The following KMT5B variants were observed in gnomAD, a reference collection of about 807,000 sequenced individuals.
KMT5B encodes the protein histone-lysine N-methyltransferase KMT5B.
Under a neutral mutation model 83.2 loss-of-function variants are expected in KMT5B, and 10 were observed. That is an observed-to-expected ratio of 0.12 (90% CI 0.07 to 0.20). The LOEUF (loss-of-function observed/expected upper bound fraction) is 0.20. Ranked by LOEUF, KMT5B falls within the 10% of genes least tolerant of loss-of-function variation. The pLI is 1.00. For missense variants in KMT5B, 753 were observed against 1,067.2 expected (o/e 0.71, Z 4.10); for synonymous variants, 349 against 388.8 (o/e 0.90, Z 1.20).
At chr11:68,162,421 A>C (rs535031166) in intron 10 of KMT5B, among the ~76,000 whole-genome samples, 4 of 152,298 alleles carry the variant, frequency 2.6e-5, no homozygotes, top group African/African-American at 9.6e-5. Context: ...TCTGCTTTGA[A>C]TAGGCTTCAC....
At chr11:68,180,561 G>C (rs1426251282) in intron 3 of KMT5B, among the ~76,000 whole-genome samples, 1 of 152,190 alleles carries the variant, frequency 6.6e-6, no homozygotes, top group Non-Finnish European at 1.5e-5. Flanking sequence ...GGTTATAACA[G>C]TAGAAAAATG....
intron 9 of KMT5B, 133 bp downstream of exon 9, chr11:68,170,882 C>T: frequency 1.1e-6 from 1 of 935,408 alleles, no homozygotes; most frequent in Non-Finnish European, 1.6e-6. Flanking sequence ...ATACACACTG[C>T]ACCAGCCGCT....
intron 1 of KMT5B, among the ~76,000 whole-genome samples, chr11:68,190,870 C>G (rs1185193230): frequency 6.6e-6 from 1 of 152,182 alleles, no homozygotes; most frequent in Non-Finnish European, 1.5e-5. Context: ...GTGGTTCCAG[C>G]TACTTGAGAG....
Position 68,190,084 on chromosome 11 carries a change from G to T in KMT5B, c.-8C>A, listed in dbSNP as rs1435802516. ...TTCTCCCAACCACTTCATACCCACA[G>T]ACAGCCTGACCCAGGTGCATTTAGT... On this transcript the variant is annotated 5_prime_UTR_variant, in exon 2 of 11. The change creates a new upstream start codon in the 5' untranslated region. Transcript: ENST00000304363. The T allele has an allele frequency of 6.2e-7, 1 of 1,612,566 alleles. No homozygotes were observed. Among genetic ancestry groups the T allele is most frequent in the Non-Finnish European group, 8.5e-7 (1 of 1,179,266 alleles).
intron 3 of KMT5B, among the ~76,000 whole-genome samples, chr11:68,181,582 C>A (rs946189588): frequency 2.0e-5 from 3 of 151,932 alleles, no homozygotes; most frequent in African/African-American, 4.8e-5. Flanking sequence ...TCTTTTGCAC[C>A]CCAAAGAGAG....
intron 2 of KMT5B, among the ~76,000 whole-genome samples, chr11:68,188,075 A>G (rs1591013923): frequency 7.0e-6 from 1 of 142,294 alleles, no homozygotes; most frequent in Admixed American, 7.4e-5. Context: ...CCCAGGCTGG[A>G]GTGCAGTGAC....
chr11:68,196,300 C>T (rs1347942807), intron 1 of KMT5B, among the ~76,000 whole-genome samples: 1 of 151,946 alleles, frequency 6.6e-6, no homozygotes, highest in Non-Finnish European at 1.5e-5. Context: ...TTCACATCCT[C>T]TAGGAAGTGT....
rs1320100821 is a variant in KMT5B, at chr11:68,167,219, C to T, written c.978-41G>A. 3.2e-6 allele frequency: 5 copies of T among 1,556,166 alleles called. No homozygotes were observed. The East Asian group carries it at 7.2e-5, about 22-fold the overall frequency. On this transcript the variant is annotated intron_variant, in intron 9 of 10. Transcript: ENST00000304363. The stretch of plus-strand genomic sequence containing the variant: ...GCACAGGTTAAACAAATAGAACACA[C>T]TTTCTTATAATAAGCTTAACTGCTG...
chr11:68,179,660 C>CA, intron 4 of KMT5B: 1 of 1,198,574 alleles, frequency 8.3e-7, no homozygotes, highest in Non-Finnish European at 1.1e-6. Context: ...AAAAGGGAGA[C>CA]AGGGAAGGAG....
At position 68,212,272 on chromosome 11, in the gene KMT5B, CA is replaced by C. The variant is rs1861009739; in HGVS notation, c.-77+865del. Among the ~76,000 whole-genome samples the C allele has an allele frequency of 2.0e-5, 3 of 152,168 alleles. No individual in the cohort carries two copies. In the South Asian group the frequency reaches 6.2e-4, roughly 32 times the overall value. On this transcript the variant is annotated intron_variant, in intron 1 of 10. Transcript: ENST00000304363. ...AAAAGGTCCACATCACAAAGAACCA[CA>C]ATCAATCAAATTAATTCACCTGCCC...
At chr11:68,164,632 A>G in intron 10 of KMT5B, 2 of 511,774 alleles carry the variant, frequency 3.9e-6, no homozygotes, top group South Asian at 2.9e-5. Flanking sequence ...CACTCTGCCC[A>G]TGACCTCAGA....
chr11:68,213,461 C>G (rs1188976374), upstream of KMT5B: 1 of 148,332 alleles, frequency 6.7e-6, no homozygotes, highest in East Asian at 2.0e-4. Flanking sequence ...CCGCGCCCCG[C>G]CACCCGGGGC....
At chr11:68,203,795 T>C (rs1859741158) in intron 1 of KMT5B, among the ~76,000 whole-genome samples, 2 of 152,190 alleles carry the variant, frequency 1.3e-5, no homozygotes, top group African/African-American at 4.8e-5. Flanking sequence ...GGGTTTTCAT[T>C]TCCCTGAATT....
At chr11:68,191,652 G>A (rs1425957081) in intron 1 of KMT5B, among the ~76,000 whole-genome samples, 1 of 152,100 alleles carries the variant, frequency 6.6e-6, no homozygotes, top group Non-Finnish European at 1.5e-5. Flanking sequence ...TTTTTGTATA[G>A]CTATATGTGT....
intron 1 of KMT5B, among the ~76,000 whole-genome samples, chr11:68,202,022 G>A (rs868539713): frequency 1.5e-4 from 23 of 152,172 alleles, no homozygotes; most frequent in Non-Finnish European, 2.8e-4. Context: ...CCAGGAGATT[G>A]CACCACTGCA....
At chr11:68,179,037 C>G (rs1441385151) in intron 4 of KMT5B, among the ~76,000 whole-genome samples, 1 of 152,144 alleles carries the variant, frequency 6.6e-6, no homozygotes, top group Non-Finnish European at 1.5e-5. Flanking sequence ...TTTACCCTGG[C>G]CTTTCTGGTT....
chr11:68,166,713 T>C (rs772389093), intron 10 of KMT5B: 170 of 1,280,734 alleles, frequency 1.3e-4, no homozygotes, highest in Non-Finnish European at 1.2e-4. Flanking sequence ...TTAAAACATA[T>C]GATGACCTTG....
Position 68,154,920 on chromosome 11 carries a change from C to A in KMT5B, c.*2768G>T, listed in dbSNP as rs1283218499. On this transcript the variant is annotated 3_prime_UTR_variant, in exon 11 of 11. Transcript: ENST00000304363. ...AACCTCAATACTGCAAGTGCATGTACAAAATATTTGTAAAAAATGTTTTTA... is the reference window on the plus strand; with the variant it reads ...AACCTCAATACTGCAAGTGCATGTAAAAAATATTTGTAAAAAATGTTTTTA... The A allele has an allele frequency of 6.6e-6, 1 of 151,828 alleles. No homozygotes were observed. The highest frequency in any genetic ancestry group is 2.4e-5 in the African/African-American group (1 of 41,316). The allele number at this position is 151,828 out of a possible 1,614,324, so 9.4% of individuals were successfully genotyped here.
intron 1 of KMT5B, among the ~76,000 whole-genome samples, chr11:68,208,633 G>C (rs1860481568): frequency 6.6e-6 from 1 of 152,142 alleles, no homozygotes; most frequent in African/African-American, 2.4e-5. Flanking sequence ...TTAGGAGAGA[G>C]ACTAATGTAA....
Sources: allele counts gnomAD v4.1 joint callset (sites outside exome capture counted in the v4.1 genomes callset), GRCh38; gene constraint gnomAD v4.1.1; transcripts MANE v1.5; gene names NCBI Gene and HGNC (gene_info 2026-07-23, HGNC 2026-07-21).